COL24A1: variants seen among roughly 807,000 people sequenced by gnomAD.
COL24A1 encodes collagen type XXIV alpha 1 chain.
In COL24A1, 224 loss-of-function variants were observed where a neutral mutation model predicts 253.9. That is an observed-to-expected ratio of 0.88 (90% CI 0.79 to 0.99). The LOEUF (loss-of-function observed/expected upper bound fraction) is 0.99. Among genes scored for constraint, COL24A1 ranks in the 50% least tolerant of loss-of-function variants. The pLI is 0.00. For synonymous variants in COL24A1, 685 were observed against 673.7 expected, an observed-to-expected ratio of 1.02 and a Z score of -0.26; for missense variants, 2,131 against 2,068.5, an observed-to-expected ratio of 1.03 and a Z score of -0.59.
chr1:86,151,660 G>A (rs543502682), intron 1 of COL24A1, among the ~76,000 whole-genome samples: 5 of 152,258 alleles, frequency 3.3e-5, no homozygotes, highest in Admixed American at 2.0e-4. Context: ...TCCAGGCATC[G>A]TTCCTAGATG....
intron 52 of COL24A1, among the ~76,000 whole-genome samples, chr1:85,779,626 G>GCT: frequency 2.0e-5 from 3 of 152,162 alleles, no homozygotes; most frequent in Non-Finnish European, 2.9e-5. Flanking sequence ...TTGGTTCAGG[G>GCT]TTCCTATTAT....
intron 5 of COL24A1, among the ~76,000 whole-genome samples, chr1:86,092,815 C>G (rs139004405): frequency 0.01 from 1,557 of 151,970 alleles, 18 homozygotes; most frequent in Non-Finnish European, 0.013. Context: ...AAAGATACCT[C>G]TAATCCACAA....
intron 2 of COL24A1, among the ~76,000 whole-genome samples, chr1:86,140,153 A>G (rs1650862451): frequency 6.6e-6 from 1 of 152,222 alleles, no homozygotes; most frequent in Non-Finnish European, 1.5e-5. Context: ...TATCCACACG[A>G]CAGCCTTGTG....
intron 8 of COL24A1, among the ~76,000 whole-genome samples, chr1:86,061,085 C>G (rs1171701194): frequency 2.0e-5 from 3 of 151,878 alleles, no homozygotes; most frequent in Non-Finnish European, 4.4e-5. Flanking sequence ...TGGGAGGATA[C>G]TTAGCTAATA....
intron 40 of COL24A1, 79 bp from the exon 41 acceptor site, chr1:85,842,200 A>C (rs894613338): frequency 6.8e-7 from 1 of 1,460,840 alleles, no homozygotes; most frequent in Non-Finnish European, 9.6e-7. Context: ...GAAAAATAGG[A>C]TTCACTGTCT....
intron 24 of COL24A1, among the ~76,000 whole-genome samples, chr1:85,921,220 C>T (rs1405721336): frequency 6.6e-6 from 1 of 152,194 alleles, no homozygotes; most frequent in East Asian, 1.9e-4. Flanking sequence ...AAAATCGGGA[C>T]ACTCCTGCCC....
Position 86,125,042 on chromosome 1 carries a change from A to G in COL24A1, c.1294T>C (p.Leu432=). 2.5e-6 allele frequency: 4 copies of G among 1,613,004 alleles called. No homozygotes were observed. The African/African-American group carries it at 5.3e-5, about 22-fold the overall frequency. The part of the protein sequence containing the change: ...MEMQPILNTS[L]HRVTNEPSVD... ...GATGGCTCATTTGTCACTCTATGCA[A>G]GCTTGTGTTTAAAATTGGTTGCATT... Residue 432 remains leucine (L), a synonymous_variant, in exon 3 of 60, where the codon TTG becomes CTG. Transcript: ENST00000370571.
intron 37 of COL24A1, among the ~76,000 whole-genome samples, chr1:85,859,790 T>A (rs428475): frequency 0.59 from 89,625 of 151,912 alleles, 26,659 homozygotes; most frequent in South Asian, 0.75. Flanking sequence ...TTTTTTTTAC[T>A]ATGTACATGT....
intron 3 of COL24A1, among the ~76,000 whole-genome samples, chr1:86,123,340 CT>C (rs68054628): frequency 0.75 from 113,413 of 151,402 alleles, 42,470 homozygotes; most frequent in Middle Eastern, 0.82. Flanking sequence ...TCAAAAAATA[CT>C]ATTTTTTTAA....
chr1:85,875,468 G>C (rs548884763), intron 33 of COL24A1, 138 bp from the exon 34 acceptor site: 1 of 630,050 alleles, frequency 1.6e-6, no homozygotes, highest in South Asian at 2.0e-5. Context: ...CATAGCATAA[G>C]AGCAGATTCT....
At chr1:85,939,412 T>C (rs889970659) in intron 24 of COL24A1, among the ~76,000 whole-genome samples, 1 of 152,156 alleles carries the variant, frequency 6.6e-6, no homozygotes, top group African/African-American at 2.4e-5. Context: ...TTATCCTGCC[T>C]TCCTATAAGG....
intron 35 of COL24A1, among the ~76,000 whole-genome samples, chr1:85,871,250 C>G (rs893164832): frequency 1.3e-5 from 2 of 152,244 alleles, no homozygotes; most frequent in African/African-American, 4.8e-5. Flanking sequence ...GGATTCACAG[C>G]CGAATTCTAC....
chr1:85,907,440 A>G (rs1171795744), intron 27 of COL24A1, among the ~76,000 whole-genome samples, 193 bp from the exon 28 acceptor site: 1 of 151,924 alleles, frequency 6.6e-6, no homozygotes, highest in Non-Finnish European at 1.5e-5. Flanking sequence ...CTATTTGGAC[A>G]AATTTAATGT....
At position 85,831,319 on chromosome 1, in the gene COL24A1, A is replaced by G. The variant is rs1215296382; in HGVS notation, c.3681+7266T>C. Reference sequence around the variant, plus strand: ...GTGAAGTAAGAGTGAGAATATGAGCAAACTACAAAACTCTAAACCATCATG... The same window carrying G: ...GTGAAGTAAGAGTGAGAATATGAGCGAACTACAAAACTCTAAACCATCATG... On this transcript the variant is annotated intron_variant, in intron 43 of 59. Transcript: ENST00000370571. 2.0e-5 allele frequency among the ~76,000 whole-genome samples: 3 copies of G among 152,114 alleles called. No homozygotes were observed. The Admixed American group carries it at 2.0e-4, about 10-fold the overall frequency.
chr1:86,124,667 T>C (rs1189463946), intron 3 of COL24A1, among the ~76,000 whole-genome samples, 178 bp downstream of exon 3: 1 of 151,978 alleles, frequency 6.6e-6, no homozygotes, highest in Non-Finnish European at 1.5e-5. Context: ...CAGGGTTACA[T>C]TCTGGCAGAT....
At chr1:85,970,453 AAC>A (rs1278050768) in intron 21 of COL24A1, among the ~76,000 whole-genome samples, 182 bp from the exon 22 acceptor site, 1 of 152,096 alleles carries the variant, frequency 6.6e-6, no homozygotes, top group Admixed American at 6.5e-5. Context: ...TTTTTGTGTG[AAC>A]CTGGTGCATT....
Position 86,092,291 on chromosome 1 carries a change from T to G in COL24A1, c.1629A>C (p.Pro543=), listed in dbSNP as rs1487283822. 1.9e-6 allele frequency: 3 copies of G among 1,605,776 alleles called. No individual in the cohort carries two copies. The highest frequency in any genetic ancestry group is 2.6e-6 in the Non-Finnish European group (3 of 1,173,864). Residue 543 remains proline (P), a synonymous_variant, in exon 6 of 60, where the codon CCA becomes CCC. Transcript: ENST00000370571. ...CCTTTTCTCCAGGAACAGGTTGACC[T>G]GGGGAAAATCCTGGATCTCCTTTGG... ...KGPKGDPGFS[P]GQPVPGEKGD...
rs867060604 is a variant in COL24A1, at chr1:85,832,867, T to C, written c.3681+5718A>G. Among the ~76,000 whole-genome samples, 827 of 151,160 alleles carry C rather than the reference T, an allele frequency of 5.5e-3. 6 individuals carry two copies. The highest frequency in any genetic ancestry group is 0.02 in the African/African-American group (799 of 40,718). ...TTTCTAGATATACAATCATGTCATC[T>C]GCAAACAGGGACAATTTGACTTCCT... On this transcript the variant is annotated intron_variant, in intron 43 of 59. Coordinates refer to ENST00000370571, the MANE Select transcript of COL24A1 (RefSeq NM_152890.7).
chr1:85,852,680 A>C (rs1677906726), intron 37 of COL24A1, among the ~76,000 whole-genome samples: 1 of 94,598 alleles, frequency 1.1e-5, no homozygotes, highest in Admixed American at 9.4e-5. Context: ...AATTTTCCAC[A>C]CCATTTTTAC....
Sources: gnomAD v4.1 joint callset for allele counts (sites outside exome capture counted in the v4.1 genomes callset) on GRCh38, gnomAD v4.1.1 for gene constraint, MANE v1.5 for transcripts, NCBI Gene and HGNC (gene_info 2026-07-23, HGNC 2026-07-21) for gene names.